Variants in RGS7 observed in about 807,000 individuals in gnomAD.
The protein encoded by RGS7 is regulator of G-protein signaling 7.
Under a neutral mutation model 81.1 loss-of-function variants are expected in RGS7, and 27 were observed. The ratio of observed to expected loss-of-function variants is 0.33; its 90% CI spans 0.25 to 0.46. The LOEUF (loss-of-function observed/expected upper bound fraction) is 0.46, where lower values mean the gene tolerates loss of function less well. Ranked by LOEUF, RGS7 falls within the 20% of genes least tolerant of loss-of-function variation. The pLI, the probability that RGS7 is intolerant of heterozygous loss-of-function variation, is 1.00. For missense variants in RGS7, 396 were observed against 607.4 expected (o/e 0.65, Z 3.66); for synonymous variants, 208 against 207.7 (o/e 1.00, Z -0.01).
At chr1:240,791,955 T>G (rs918416038) in intron 18 of RGS7, among the ~76,000 whole-genome samples, 1 of 152,226 alleles carries the variant, frequency 6.6e-6, no homozygotes, top group African/African-American at 2.4e-5. Flanking sequence ...GATTGAGAGT[T>G]GACCATCTGC....
At chr1:240,879,428 T>C (rs566098939) in intron 6 of RGS7, among the ~76,000 whole-genome samples, 1 of 152,358 alleles carries the variant, frequency 6.6e-6, no homozygotes, top group South Asian at 2.1e-4. Flanking sequence ...GTAGATTTTA[T>C]TTAGGATCTA....
At chr1:241,339,209 G>A (rs1000364796) in intron 2 of RGS7, among the ~76,000 whole-genome samples, 4 of 152,136 alleles carry the variant, frequency 2.6e-5, no homozygotes, top group African/African-American at 4.8e-5. Flanking sequence ...CCCTGCAAAC[G>A]ACATGATCTC....
chr1:241,073,352 G>A (rs2062593251), intron 3 of RGS7, among the ~76,000 whole-genome samples: 1 of 152,142 alleles, frequency 6.6e-6, no homozygotes, highest in South Asian at 2.1e-4. Context: ...GCACAGGTGG[G>A]TGGAATATGC....
intron 3 of RGS7, among the ~76,000 whole-genome samples, chr1:240,997,270 C>T (rs906643175): frequency 1.3e-5 from 2 of 152,038 alleles, no homozygotes; most frequent in Non-Finnish European, 2.9e-5. Context: ...TGTCAGCCAC[C>T]GCACCTAGCT....
At chr1:240,851,104 A>AT (rs1660021545) in intron 9 of RGS7, among the ~76,000 whole-genome samples, 1 of 152,240 alleles carries the variant, frequency 6.6e-6, no homozygotes, top group Non-Finnish European at 1.5e-5. Flanking sequence ...CAGGAAGAAG[A>AT]TGCCATCTAA....
chr1:241,007,602 A>G (rs1183206578), intron 3 of RGS7, among the ~76,000 whole-genome samples: 2 of 152,182 alleles, frequency 1.3e-5, no homozygotes, highest in Admixed American at 6.5e-5. Flanking sequence ...AGAAAGAAAG[A>G]ATTTGACTAG....
chr1:240,978,771 A>G (rs1282836077), intron 4 of RGS7, among the ~76,000 whole-genome samples: 1 of 152,226 alleles, frequency 6.6e-6, no homozygotes, highest in Non-Finnish European at 1.5e-5. Flanking sequence ...ACAATTGCCA[A>G]TCAACATTTT....
rs116274947 is a variant in RGS7, at chr1:241,118,062, C to A, written c.79-19300G>T. Reference sequence around the variant, plus strand: ...AAACAAAAGTTTTACAAAACAATAGCTATTCTTTCTATGGTAGTGAAGCCT... The same window carrying A: ...AAACAAAAGTTTTACAAAACAATAGATATTCTTTCTATGGTAGTGAAGCCT... On this transcript the variant is annotated intron_variant, in intron 2 of 18. Coordinates refer to ENST00000440928, the MANE Select transcript of RGS7 (RefSeq NM_001364886.1). Among the ~76,000 whole-genome samples, 579 of 152,262 alleles carry A rather than the reference C, an allele frequency of 3.8e-3. 8 individuals are homozygous for A. The highest frequency in any genetic ancestry group is 0.013 in the African/African-American group (541 of 41,544).
intron 2 of RGS7, among the ~76,000 whole-genome samples, chr1:241,295,206 T>TC (rs1208521581): frequency 6.6e-5 from 10 of 152,166 alleles, no homozygotes; most frequent in Non-Finnish European, 1.0e-4. Context: ...CCCAGCACTT[T>TC]GGGAGGCCAA....
chr1:241,233,149 T>A (rs1295538221), intron 2 of RGS7, among the ~76,000 whole-genome samples: 1 of 152,246 alleles, frequency 6.6e-6, no homozygotes, highest in Non-Finnish European at 1.5e-5. Flanking sequence ...GATGTCCATG[T>A]GATAATTTCA....
chr1:240,868,539 C>T lies in RGS7; in HGVS notation c.609+48G>A, dbSNP rs1050258084. On this transcript the variant is annotated intron_variant, in intron 9 of 18. Coordinates refer to ENST00000440928, the MANE Select transcript of RGS7 (RefSeq NM_001364886.1). The surrounding 1 kb of genome is among the most constrained non-coding windows in gnomAD (Gnocchi z 5.1). ...CTTTGGCAGGGCACCCCTCACTTCC[C>T]ACAGACGGAGAAGATGGATTCAAGA... The T allele has an allele frequency of 2.6e-6, 4 of 1,567,610 alleles. No homozygotes were observed. The highest frequency in any genetic ancestry group is 4.5e-5 in the East Asian group (2 of 44,662).
At chr1:241,039,169 A>G (rs1439298319) in intron 3 of RGS7, among the ~76,000 whole-genome samples, 1 of 152,136 alleles carries the variant, frequency 6.6e-6, no homozygotes, top group Non-Finnish European at 1.5e-5. Flanking sequence ...ACACCTGCCC[A>G]GCAAGAATCT....
intron 2 of RGS7, chr1:241,305,455 A>G (rs751749817): frequency 4.6e-5 from 7 of 151,996 alleles, no homozygotes; most frequent in Middle Eastern, 3.2e-3. Context: ...CCCCTGAGAC[A>G]CTTATAAAAA....
intron 2 of RGS7, among the ~76,000 whole-genome samples, chr1:241,296,441 T>C (rs754014560): frequency 6.6e-6 from 1 of 152,204 alleles, no homozygotes; most frequent in East Asian, 1.9e-4. Flanking sequence ...GGCGCTCAAG[T>C]GACATAAAAA....
At chr1:241,122,390 T>C (rs1331301815) in intron 2 of RGS7, among the ~76,000 whole-genome samples, 2 of 152,126 alleles carry the variant, frequency 1.3e-5, no homozygotes, top group African/African-American at 4.8e-5. Flanking sequence ...TGTCTGGGCA[T>C]GGTGTCTGAT....
rs1458283681 is a variant in RGS7 at position 241,039,813 on chromosome 1, A to G, written c.176-56684T>C. 7.5e-5 allele frequency among the ~76,000 whole-genome samples: 11 copies of G among 146,012 alleles called. No individual in the cohort carries two copies. The East Asian group carries it at 1.9e-3, about 26-fold the overall frequency. On this transcript the variant is annotated intron_variant, in intron 3 of 18. Transcript: ENST00000440928. Reference sequence around the variant, plus strand: ...GATGGCAGAGCCATAACATGGAAGGATGTTTGATCTATGAATCGCCACTTG... The same window carrying G: ...GATGGCAGAGCCATAACATGGAAGGGTGTTTGATCTATGAATCGCCACTTG...
chr1:241,198,631 G>A (rs113433045), intron 2 of RGS7, among the ~76,000 whole-genome samples: 1,032 of 94,206 alleles, frequency 0.011, 7 homozygotes, highest in Non-Finnish European at 0.015. Flanking sequence ...ACAAGAAAAC[G>A]TATCATTTCT....
At chr1:240,776,285 G>T (rs1682916554) in intron 18 of RGS7, 72 bp from the exon 19 acceptor site, 2 of 1,106,734 alleles carry the variant, frequency 1.8e-6, no homozygotes, top group Middle Eastern at 2.0e-4. Flanking sequence ...CTTAGTAGTA[G>T]CAACTATTTA....
At chr1:241,219,150 G>A (rs535582578) in intron 2 of RGS7, among the ~76,000 whole-genome samples, 35 of 152,108 alleles carry the variant, frequency 2.3e-4, no homozygotes, top group Non-Finnish European at 3.8e-4. Flanking sequence ...ATAGTGATGC[G>A]GTTTGGCTGT....
Sources: allele counts gnomAD v4.1 joint callset (sites outside exome capture counted in the v4.1 genomes callset), GRCh38; gene constraint gnomAD v4.1.1; non-coding constraint Gnocchi (gnomAD v3.1); transcripts MANE v1.5; gene names NCBI Gene and HGNC (gene_info 2026-07-23, HGNC 2026-07-21).